ZHX2: variants seen among roughly 807,000 people sequenced by gnomAD.
The protein encoded by ZHX2 is zinc fingers and homeoboxes 2.
A neutral mutation model predicts 21.9 loss-of-function variants in ZHX2; 6 were observed. The ratio of observed to expected loss-of-function variants is 0.27; its 90% CI spans 0.15 to 0.54. The LOEUF (loss-of-function observed/expected upper bound fraction) is 0.54. ZHX2 is among the 20% of genes least tolerant of loss of function. The pLI is 0.95. For missense variants in ZHX2, 908 were observed against 1,090.7 expected (o/e 0.83, Z 2.36); for synonymous variants, 434 against 437.1 (o/e 0.99, Z 0.09).
chr8:122,812,353 T>C (rs1424359313), intron 1 of ZHX2, among the ~76,000 whole-genome samples: 1 of 152,224 alleles, frequency 6.6e-6, no homozygotes, highest in East Asian at 1.9e-4. Flanking sequence ...AACTCTGTGA[T>C]AGTTGTTGTT....
chr8:122,961,766 C>A (rs552233025), intron 3 of ZHX2, among the ~76,000 whole-genome samples: 1 of 152,150 alleles, frequency 6.6e-6, no homozygotes, highest in Non-Finnish European at 1.5e-5. Context: ...CCTGGTCTCT[C>A]CCTTGACACA....
chr8:122,877,805 G>A (rs1819606245), intron 2 of ZHX2, among the ~76,000 whole-genome samples: 1 of 152,200 alleles, frequency 6.6e-6, no homozygotes, highest in Admixed American at 6.5e-5. Context: ...AGACCTGGAG[G>A]AGGGGAACTA....
intron 1 of ZHX2, among the ~76,000 whole-genome samples, chr8:122,831,218 T>C (rs1170466428): frequency 6.6e-6 from 1 of 152,186 alleles, no homozygotes. Flanking sequence ...GGGCGGCATG[T>C]GAGCGAAGTC....
chr8:122,782,887 T>G lies in ZHX2; in HGVS notation c.-283+941T>G, dbSNP rs1817321148. ...GGTTAATCTTTGTTGGTGTTGCAGCTTCTTTGTGGCTTCCCCAGGACTTGT... is the reference window on the plus strand; with the variant it reads ...GGTTAATCTTTGTTGGTGTTGCAGCGTCTTTGTGGCTTCCCCAGGACTTGT... On this transcript the variant is annotated intron_variant, in intron 1 of 3. Transcript: ENST00000314393. This position sits in a 1 kb window ranked among gnomAD's most constrained non-coding sequence, Gnocchi z 5.3. 6.6e-6 allele frequency among the ~76,000 whole-genome samples: 1 copy of G among 152,246 alleles called. No homozygotes were observed. Among genetic ancestry groups the G allele is most frequent in the Non-Finnish European group, 1.5e-5 (1 of 68,034 alleles).
chr8:122,953,597 A>G lies in ZHX2; in HGVS notation c.2087A>G (p.His696Arg), dbSNP rs764146827. 4.3e-6 allele frequency: 7 copies of G among 1,614,056 alleles called. No homozygotes were observed. The African/African-American group carries it at 8.0e-5, about 18-fold the overall frequency. ...GTVKWMEQYQ[H>R]QPMADDHGYD... ...GTGAAGTGGATGGAGCAGTACCAGC[A>G]CCAGCCCATGGCAGATGATCACGGC... The change falls in exon 3 of 4, where the codon CAC (histidine) becomes CGC (arginine). Residue 696 changes from histidine (H) to arginine (R), a missense_variant. Physicochemically the swap from His to Arg is conservative, Grantham distance 29. Coordinates refer to ENST00000314393, the MANE Select transcript of ZHX2 (RefSeq NM_014943.5). This position sits in a 1 kb window ranked among gnomAD's most constrained non-coding sequence, Gnocchi z 4.6.
intron 1 of ZHX2, chr8:122,816,497 G>A (rs1818038967): frequency 6.8e-6 from 1 of 148,042 alleles, no homozygotes; most frequent in Non-Finnish European, 1.5e-5. Flanking sequence ...CCAGGCTGGA[G>A]TGCAGTGGAG....
At chr8:122,973,013 C>G (rs1384846848) in intron 3 of ZHX2, among the ~76,000 whole-genome samples, 1 of 152,216 alleles carries the variant, frequency 6.6e-6, no homozygotes, top group African/African-American at 2.4e-5. Context: ...AGGCCTGATT[C>G]TGGAGGCTTT....
chr8:122,837,037 T>C (rs749511442), intron 1 of ZHX2, among the ~76,000 whole-genome samples: 27 of 152,010 alleles, frequency 1.8e-4, no homozygotes, highest in Non-Finnish European at 3.5e-4. Flanking sequence ...CCTCTGGTCA[T>C]CCTCACTGCT....
chr8:122,934,398 GC>G, intron 2 of ZHX2, among the ~76,000 whole-genome samples: 1 of 152,264 alleles, frequency 6.6e-6, no homozygotes, highest in South Asian at 2.1e-4. Context: ...ACCTGCCCAG[GC>G]AGGCCACAAA....
In ZHX2 at chr8:122,953,870, A is replaced by G; in HGVS notation, c.2360A>G (p.Glu787Gly). ...RDGQGSDENE[E>G]SSVVDYVEVT... ...GGCCAGGGTAGCGACGAGAACGAGGAGTCGAGCGTTGTGGATTACGTGGAG... is the reference window on the plus strand; with the variant it reads ...GGCCAGGGTAGCGACGAGAACGAGGGGTCGAGCGTTGTGGATTACGTGGAG... Residue 787 changes from glutamate (E) to glycine (G), a missense_variant, in exon 3 of 4, where the codon GAG (glutamate) becomes GGG (glycine). Transcript: ENST00000314393. The surrounding 1 kb of genome is among the most constrained non-coding windows in gnomAD (Gnocchi z 4.6). The G allele has an allele frequency of 6.2e-7, 1 of 1,614,176 alleles. No homozygotes were observed. Among genetic ancestry groups the G allele is most frequent in the Non-Finnish European group, 8.5e-7 (1 of 1,180,010 alleles).
At chr8:122,815,133 A>G (rs1818004621) in intron 1 of ZHX2, among the ~76,000 whole-genome samples, 1 of 152,228 alleles carries the variant, frequency 6.6e-6, no homozygotes, top group East Asian at 1.9e-4. Flanking sequence ...TTGCTGTTTC[A>G]GACCTGTCTT....
chr8:122,954,507 C>T (rs777564207), intron 3 of ZHX2, among the ~76,000 whole-genome samples: 1 of 152,194 alleles, frequency 6.6e-6, no homozygotes, highest in East Asian at 1.9e-4. Flanking sequence ...CGGGGTCTCA[C>T]TTTGTTGCCC....
chr8:122,887,403 A>C (rs969622001), intron 2 of ZHX2, among the ~76,000 whole-genome samples: 6 of 151,886 alleles, frequency 4.0e-5, no homozygotes, highest in African/African-American at 9.7e-5. Flanking sequence ...CTGTAATCCC[A>C]GCTACTTGGG....
In ZHX2 at chr8:122,974,265, C is replaced by T. The variant is rs1489061636; in HGVS notation, c.*1028C>T. The stretch of plus-strand genomic sequence containing the variant: ...GTTTGTGTGTGTGTTTGTTTTGGGA[C>T]AATTTTAGATACCTGAGTGCACTTT... On this transcript the variant is annotated 3_prime_UTR_variant, in exon 4 of 4. Transcript: ENST00000314393. The T allele has an allele frequency of 6.6e-6, 1 of 152,210 alleles. No individual in the cohort carries two copies. The highest frequency in any genetic ancestry group is 1.9e-4 in the East Asian group (1 of 5,166). The allele number at this position is 152,210 out of a possible 1,614,324, so 9.4% of individuals were successfully genotyped here. A position where few individuals can be genotyped will look rare whatever the true frequency, so the allele number is the denominator to read the frequency against.
In ZHX2 at chr8:122,973,219, C is replaced by T. The variant is rs571483710; in HGVS notation, c.*5-23C>T. Reference sequence around the variant, plus strand: ...AATGGTCATTTGCCTGACATCTTGACTCTGTGGTTTTGTGTCTTCTAGGGA... The same window carrying T: ...AATGGTCATTTGCCTGACATCTTGATTCTGTGGTTTTGTGTCTTCTAGGGA... On this transcript the variant is annotated intron_variant, in intron 3 of 3. Transcript: ENST00000314393. 1.3e-3 allele frequency: 203 copies of T among 152,486 alleles called. 1 individual carries two copies. The highest frequency in any genetic ancestry group is 4.7e-3 in the African/African-American group (196 of 41,570). The allele number at this position is 152,486 out of a possible 1,614,324, so 9.4% of individuals were successfully genotyped here.
intron 1 of ZHX2, among the ~76,000 whole-genome samples, chr8:122,846,440 A>T (rs7012131): frequency 1.3e-5 from 2 of 151,990 alleles, no homozygotes; most frequent in Admixed American, 6.6e-5. Flanking sequence ...TCCTTCTGCC[A>T]CCAGGGAACC....
intron 1 of ZHX2, among the ~76,000 whole-genome samples, chr8:122,792,716 G>A (rs1817540609): frequency 6.6e-6 from 1 of 152,160 alleles, no homozygotes; most frequent in South Asian, 2.1e-4. Context: ...GGGAGGAGGA[G>A]CAAGACACAC....
chr8:122,932,047 A>G (rs889876363), intron 2 of ZHX2, among the ~76,000 whole-genome samples: 1 of 152,202 alleles, frequency 6.6e-6, no homozygotes, highest in South Asian at 2.1e-4. Flanking sequence ...TAACTGTGGC[A>G]ATTTTGTGGA....
intron 1 of ZHX2, among the ~76,000 whole-genome samples, chr8:122,849,385 G>A (rs890014673): frequency 6.6e-6 from 1 of 152,210 alleles, no homozygotes; most frequent in African/African-American, 2.4e-5. Flanking sequence ...TCCTGGGGTT[G>A]CTGGGACAAA....
Sources: allele counts gnomAD v4.1 joint callset (sites outside exome capture counted in the v4.1 genomes callset), GRCh38; gene constraint gnomAD v4.1.1; non-coding constraint Gnocchi (gnomAD v3.1); transcripts MANE v1.5; gene names NCBI Gene and HGNC (gene_info 2026-07-23, HGNC 2026-07-21).